ITGA8: variants seen among roughly 807,000 people sequenced by gnomAD.
ITGA8 encodes integrin subunit alpha 8.
ITGA8 carries 91 observed loss-of-function variants against 142.3 expected under a neutral mutation model. The observed-to-expected ratio is 0.64, with a 90% CI of 0.54 to 0.76. The LOEUF (loss-of-function observed/expected upper bound fraction) is 0.76. ITGA8 is among the 30% of genes least tolerant of loss of function. The pLI, the probability that ITGA8 is intolerant of heterozygous loss-of-function variation, is 0.00. For missense variants in ITGA8, 1,406 were observed against 1,327.7 expected, an observed-to-expected ratio of 1.06 and a Z score of -0.92; for synonymous variants, 505 against 485.2, an observed-to-expected ratio of 1.04 and a Z score of -0.54.
intron 2 of ITGA8, among the ~76,000 whole-genome samples, chr10:15,698,395 A>G (rs934037586): frequency 6.6e-6 from 1 of 152,208 alleles, no homozygotes; most frequent in East Asian, 1.9e-4. Flanking sequence ...TCTTTTTCAT[A>G]TAATGACTTC....
At chr10:15,718,318 G>A (rs1365909809) in intron 2 of ITGA8, among the ~76,000 whole-genome samples, 2 of 152,208 alleles carry the variant, frequency 1.3e-5, no homozygotes, top group Non-Finnish European at 2.9e-5. Context: ...GCAACGCGGA[G>A]TGATGTCTGG....
intron 2 of ITGA8, among the ~76,000 whole-genome samples, chr10:15,716,766 G>T (rs1057174182): frequency 2.0e-5 from 3 of 151,368 alleles, no homozygotes; most frequent in African/African-American, 7.3e-5. Flanking sequence ...TCCCTCCTGG[G>T]TTCAAGCAAT....
intron 27 of ITGA8, among the ~76,000 whole-genome samples, chr10:15,543,512 T>C (rs1833612202): frequency 6.6e-6 from 1 of 152,192 alleles, no homozygotes; most frequent in Middle Eastern, 3.2e-3. Context: ...ATGTTGCCCA[T>C]TTAGTGATAA....
At chr10:15,685,414 C>T (rs1834817275) in intron 3 of ITGA8, among the ~76,000 whole-genome samples, 2 of 152,116 alleles carry the variant, frequency 1.3e-5, no homozygotes, top group South Asian at 2.1e-4. Flanking sequence ...TACTTTGGAA[C>T]CTTTTTTGGA....
intron 11 of ITGA8, among the ~76,000 whole-genome samples, chr10:15,653,314 C>T (rs1358127230): frequency 6.7e-6 from 1 of 149,148 alleles, no homozygotes; most frequent in Admixed American, 6.8e-5. Context: ...CCCTATCTCT[C>T]CTCTCTATTT....
At chr10:15,666,597 A>C (rs1252370036) in intron 8 of ITGA8, among the ~76,000 whole-genome samples, 1 of 152,162 alleles carries the variant, frequency 6.6e-6, no homozygotes, top group East Asian at 1.9e-4. Flanking sequence ...GTCTTGTGCC[A>C]GTTTTCAAAG....
chr10:15,718,939 A>G lies in ITGA8; in HGVS notation c.210-40T>C, dbSNP rs199884968. 4.3e-5 allele frequency: 69 copies of G among 1,613,326 alleles called. No homozygotes were observed. The East Asian group carries it at 1.2e-3, about 29-fold the overall frequency. ...GAGAAAGTCACTCTTTGGGCGCCAC[A>G]AAACCGTGCGCATGCAATGCAGTCT... is the stretch of plus-strand genomic sequence containing the variant. On this transcript the variant is annotated intron_variant, in intron 1 of 29. Coordinates refer to ENST00000378076, the MANE Select transcript of ITGA8 (RefSeq NM_003638.3).
intron 14 of ITGA8, among the ~76,000 whole-genome samples, chr10:15,615,808 C>T (rs1315283004): frequency 2.0e-5 from 3 of 152,154 alleles, no homozygotes; most frequent in Admixed American, 6.5e-5. Context: ...GGCACCGTGT[C>T]CTGCCATAAA....
chr10:15,517,094 T>C lies in ITGA8; in HGVS notation c.*64A>G, dbSNP rs1479563969. On this transcript the variant is annotated 3_prime_UTR_variant, in exon 30 of 30. Transcript: ENST00000378076. ...AGAAAGCTTTGATTTTTAACCCTCA[T>C]GTTCTTTCTTTTTCTTTGAACAGGA... is the stretch of plus-strand genomic sequence containing the variant. The C allele has an allele frequency of 2.5e-6, 3 of 1,222,838 alleles. No individual in the cohort carries two copies. Among genetic ancestry groups the C allele is most frequent in the Non-Finnish European group, 2.3e-6 (2 of 858,936 alleles). 75.7% of individuals were successfully genotyped at this position (1,222,838 alleles called of 1,614,324 possible). A position where few individuals can be genotyped will look rare whatever the true frequency, so the allele number is the denominator to read the frequency against.
chr10:15,645,092 C>CAAA (rs1168510743), intron 12 of ITGA8, among the ~76,000 whole-genome samples: 635 of 46,510 alleles, frequency 0.014, 20 homozygotes, highest in Non-Finnish European at 0.02. Flanking sequence ...GACTCTGTCT[C>CAAA]AAAAAAAAAA....
At chr10:15,644,973 A>T (rs1833951387) in intron 12 of ITGA8, among the ~76,000 whole-genome samples, 1 of 151,064 alleles carries the variant, frequency 6.6e-6, no homozygotes, top group Non-Finnish European at 1.5e-5. Context: ...GGCGCCTGTA[A>T]TCCCAGCTAC....
chr10:15,699,702 T>C (rs1222706040), intron 2 of ITGA8, among the ~76,000 whole-genome samples: 1 of 152,202 alleles, frequency 6.6e-6, no homozygotes, highest in African/African-American at 2.4e-5. Flanking sequence ...AGGAATGACA[T>C]TGCTGGGTCA....
rs746068080 is a variant in ITGA8 at position 15,671,650 on chromosome 10, G to A, written c.803-3C>T. 1.9e-6 allele frequency: 3 copies of A among 1,611,126 alleles called. No individual in the cohort carries two copies. Among genetic ancestry groups the A allele is most frequent in the South Asian group, 2.2e-5 (2 of 90,946 alleles). On this transcript the variant is annotated splice_polypyrimidine_tract_variant and splice_region_variant and intron_variant, in intron 7 of 29. Coordinates refer to ENST00000378076, the MANE Select transcript of ITGA8 (RefSeq NM_003638.3). Reference sequence around the variant, plus strand: ...CTCCCCAGCAGCAACTGAGTATCCTGTTTTAAAGAAAAAGAAACAAACTAA... The same window carrying A: ...CTCCCCAGCAGCAACTGAGTATCCTATTTTAAAGAAAAAGAAACAAACTAA...
chr10:15,685,200 G>C (rs936286466), intron 3 of ITGA8, among the ~76,000 whole-genome samples: 9 of 152,134 alleles, frequency 5.9e-5, no homozygotes, highest in African/African-American at 2.2e-4. Flanking sequence ...CCTTGTTATG[G>C]AGAAATTTAT....
At chr10:15,573,366 T>G (rs1157295827) in intron 24 of ITGA8, among the ~76,000 whole-genome samples, 1 of 152,212 alleles carries the variant, frequency 6.6e-6, no homozygotes, top group Non-Finnish European at 1.5e-5. Flanking sequence ...AGTTTCACCA[T>G]TCTTGAGCAG....
intron 2 of ITGA8, among the ~76,000 whole-genome samples, chr10:15,699,971 G>A (rs1035887681): frequency 6.6e-6 from 1 of 152,112 alleles, no homozygotes; most frequent in East Asian, 1.9e-4. Context: ...TGAAGTGCCA[G>A]TTTATATTCT....
intron 13 of ITGA8, among the ~76,000 whole-genome samples, chr10:15,629,238 G>T (rs1420045287): frequency 6.6e-6 from 1 of 151,956 alleles, no homozygotes; most frequent in Non-Finnish European, 1.5e-5. Flanking sequence ...TTTGGTTCCT[G>T]AACGAGATGA....
intron 13 of ITGA8, among the ~76,000 whole-genome samples, chr10:15,625,469 C>T (rs1833565010): frequency 7.1e-6 from 1 of 140,580 alleles, no homozygotes; most frequent in African/African-American, 2.6e-5. Context: ...GCTGAAAGCC[C>T]TGGAGGAAGG....
intron 13 of ITGA8, among the ~76,000 whole-genome samples, chr10:15,643,241 T>C (rs1833901688): frequency 3.3e-5 from 5 of 152,214 alleles, no homozygotes; most frequent in Admixed American, 3.3e-4. Context: ...CACTTTAAAA[T>C]GTTCAGTCTA....
Sources: allele counts gnomAD v4.1 joint callset (sites outside exome capture counted in the v4.1 genomes callset), GRCh38; gene constraint gnomAD v4.1.1; transcripts MANE v1.5; gene names NCBI Gene and HGNC (gene_info 2026-07-23, HGNC 2026-07-21).